METTL25: variants seen among roughly 807,000 people sequenced by gnomAD.
METTL25 encodes the protein probable methyltransferase-like protein 25.
Under a neutral mutation model 71.6 loss-of-function variants are expected in METTL25, and 64 were observed. That is an observed-to-expected ratio of 0.89 (90% CI 0.73 to 1.10). The LOEUF is 1.10. Among genes scored for constraint, METTL25 ranks in the 50% least tolerant of loss-of-function variants. The probability of loss-of-function intolerance (pLI) is 0.00; values close to 1 mark genes in which losing one functional copy is unlikely to be tolerated. For missense variants in METTL25, 807 were observed against 707.0 expected (o/e 1.14, Z -1.60); for synonymous variants, 287 against 250.3 (o/e 1.15, Z -1.38).
chr12:82,471,933 A>G (rs1332949249), intron 9 of METTL25, among the ~76,000 whole-genome samples: 1 of 152,206 alleles, frequency 6.6e-6, no homozygotes, highest in Non-Finnish European at 1.5e-5. Context: ...ATTGTCAATA[A>G]CTGAGAGAGA....
chr12:82,381,538 C>A (rs187387656), intron 1 of METTL25, among the ~76,000 whole-genome samples: 1 of 152,328 alleles, frequency 6.6e-6, no homozygotes, highest in South Asian at 2.1e-4. Context: ...TTTTCTAGCA[C>A]ATAATTGGAT....
intron 2 of METTL25, among the ~76,000 whole-genome samples, chr12:82,387,169 T>C (rs1370941752): frequency 6.6e-6 from 1 of 152,142 alleles, no homozygotes; most frequent in African/African-American, 2.4e-5. Context: ...TGTCCACATT[T>C]TTTTCTTGTA....
intron 5 of METTL25, among the ~76,000 whole-genome samples, chr12:82,407,289 C>T (rs12099729): frequency 0.01 from 1,546 of 152,162 alleles, 18 homozygotes; most frequent in African/African-American, 0.036. Flanking sequence ...AGTCTTGTAT[C>T]CTGCCTGGGT....
At chr12:82,416,011 A>G (rs1353378755) in intron 5 of METTL25, among the ~76,000 whole-genome samples, 3 of 152,158 alleles carry the variant, frequency 2.0e-5, no homozygotes, top group Non-Finnish European at 2.9e-5. Context: ...TTTCTGGGAA[A>G]CAAAACTTCA....
chr12:82,383,093 A>G, intron 1 of METTL25, among the ~76,000 whole-genome samples: 1 of 152,252 alleles, frequency 6.6e-6, no homozygotes, highest in Middle Eastern at 3.4e-3. Context: ...AATAAAATAT[A>G]GTATCTTAGG....
rs901405416 is a variant in METTL25, at chr12:82,405,091, C to T, written c.1279+1961C>T. 5.3e-5 allele frequency among the ~76,000 whole-genome samples: 8 copies of T among 152,324 alleles called. No individual in the cohort carries two copies. In the South Asian group the frequency reaches 6.2e-4, roughly 12 times the overall value. ...CCAAGGGGCCTCCCTCTCCTCTTCA[C>T]GCAGTGCTTTCTTAAGACTGCCATC... On this transcript the variant is annotated intron_variant, in intron 5 of 11. Transcript: ENST00000248306.
intron 5 of METTL25, among the ~76,000 whole-genome samples, chr12:82,413,346 C>A (rs1887700323): frequency 6.6e-6 from 1 of 151,936 alleles, no homozygotes; most frequent in South Asian, 2.1e-4. Context: ...TTGCTAGATA[C>A]TGAAGATATC....
intron 1 of METTL25, among the ~76,000 whole-genome samples, chr12:82,374,640 C>A (rs909963449): frequency 6.6e-6 from 1 of 152,176 alleles, no homozygotes; most frequent in Admixed American, 6.5e-5. Context: ...GCTGGATTCA[C>A]CTCTGTTTGT....
intron 1 of METTL25, among the ~76,000 whole-genome samples, chr12:82,361,024 A>G (rs1034595442): frequency 2.0e-5 from 3 of 152,178 alleles, no homozygotes; most frequent in African/African-American, 7.2e-5. Flanking sequence ...GGAGTGAAAG[A>G]ACAAAGCTTC....
At chr12:82,417,205 T>TG (rs1451638662) in intron 5 of METTL25, among the ~76,000 whole-genome samples, 8 of 152,062 alleles carry the variant, frequency 5.3e-5, no homozygotes, top group Non-Finnish European at 1.2e-4. Flanking sequence ...ATACTTGACT[T>TG]GAAAAAAAAT....
intron 9 of METTL25, among the ~76,000 whole-genome samples, chr12:82,458,736 A>G (rs1246538580): frequency 6.6e-6 from 1 of 152,192 alleles, no homozygotes; most frequent in African/African-American, 2.4e-5. Flanking sequence ...ATAGTTTCTC[A>G]GAAGAAACTA....
chr12:82,373,514 G>A (rs1197217854), intron 1 of METTL25, among the ~76,000 whole-genome samples: 1 of 152,130 alleles, frequency 6.6e-6, no homozygotes, highest in Non-Finnish European at 1.5e-5. Context: ...GACAGGGAGT[G>A]GTTTTTAGAA....
chr12:82,393,207 AT>A (rs1885759130), intron 3 of METTL25, among the ~76,000 whole-genome samples: 1 of 151,984 alleles, frequency 6.6e-6, no homozygotes, highest in Non-Finnish European at 1.5e-5. Flanking sequence ...GAATCTCTAG[AT>A]TTCTTTGGGT....
At chr12:82,432,684 C>T (rs1325173975) in intron 6 of METTL25, among the ~76,000 whole-genome samples, 1 of 151,380 alleles carries the variant, frequency 6.6e-6, no homozygotes, top group Non-Finnish European at 1.5e-5. Context: ...TGTCAGCTGC[C>T]CATGGAATGC....
intron 1 of METTL25, among the ~76,000 whole-genome samples, chr12:82,363,672 A>G (rs1882217349): frequency 6.6e-6 from 1 of 152,024 alleles, no homozygotes; most frequent in Non-Finnish European, 1.5e-5. Context: ...AAAACAAAAT[A>G]GATTCACTAC....
intron 6 of METTL25, among the ~76,000 whole-genome samples, chr12:82,432,871 A>C (rs1333686918): frequency 6.6e-6 from 1 of 151,272 alleles, no homozygotes; most frequent in African/African-American, 2.4e-5. Context: ...TTTAAAAAAA[A>C]AAAAAAAAAA....
chr12:82,430,745 G>A (rs983186459), intron 5 of METTL25, 148 bp from the exon 6 acceptor site: 4 of 496,660 alleles, frequency 8.1e-6, no homozygotes, highest in African/African-American at 5.9e-5. Context: ...TTAACAAACT[G>A]GAAGGAACTG....
In METTL25 at chr12:82,380,815, G is replaced by A. The variant is rs370240499; in HGVS notation, c.260-5988G>A. ...TTAAAAAATTAATAAAGACTCAGAG[G>A]GTGATGAGAGTTCAGTGGGATTGCA... On this transcript the variant is annotated intron_variant, in intron 1 of 11. Coordinates refer to ENST00000248306, the MANE Select transcript of METTL25 (RefSeq NM_032230.3). Among the ~76,000 whole-genome samples the A allele has an allele frequency of 4.6e-5, 7 of 152,146 alleles. No individual in the cohort carries two copies. The East Asian group carries it at 1.3e-3, about 29-fold the overall frequency.
chr12:82,404,279 C>T (rs944200340), intron 5 of METTL25, among the ~76,000 whole-genome samples: 4 of 151,516 alleles, frequency 2.6e-5, no homozygotes, highest in African/African-American at 7.3e-5. Flanking sequence ...GGAGAGTATA[C>T]GATTGTCATG....
Sources: allele counts gnomAD v4.1 joint callset (sites outside exome capture counted in the v4.1 genomes callset), GRCh38; gene constraint gnomAD v4.1.1; transcripts MANE v1.5; gene names NCBI Gene and HGNC (gene_info 2026-07-23, HGNC 2026-07-21).